Variants in LRRIQ1 observed in about 807,000 individuals in gnomAD.
LRRIQ1 encodes leucine rich repeats and IQ motif containing 1, also known as leucine-rich repeat- and IQ domain-containing protein 1.
LRRIQ1 carries 210 observed loss-of-function variants against 211.9 expected under a neutral mutation model. The observed-to-expected ratio is 0.99, with a 90% CI of 0.89 to 1.11. The LOEUF (loss-of-function observed/expected upper bound fraction) is 1.11, where lower values mean the gene tolerates loss of function less well. Among genes scored for constraint, LRRIQ1 ranks in the 50% most tolerant of loss-of-function variants. LRRIQ1 has a pLI of 0.00. For synonymous variants in LRRIQ1, 699 were observed against 650.1 expected, an observed-to-expected ratio of 1.08 and a Z score of -1.14; for missense variants, 2,136 against 1,939.5, an observed-to-expected ratio of 1.10 and a Z score of -1.90.
chr12:85,189,453 A>G (rs1892383759), intron 24 of LRRIQ1, among the ~76,000 whole-genome samples: 1 of 152,140 alleles, frequency 6.6e-6, no homozygotes, highest in Non-Finnish European at 1.5e-5. Context: ...GGTAGGGAAA[A>G]ACAAAAAACA....
At chr12:85,172,098 G>A (rs897956334) in intron 24 of LRRIQ1, among the ~76,000 whole-genome samples, 1 of 152,112 alleles carries the variant, frequency 6.6e-6, no homozygotes, top group African/African-American at 2.4e-5. Context: ...CTGCTTTCCT[G>A]GACAGCTACA....
At chr12:85,177,279 A>G (rs1051070660) in intron 24 of LRRIQ1, among the ~76,000 whole-genome samples, 8 of 152,142 alleles carry the variant, frequency 5.3e-5, no homozygotes, top group African/African-American at 1.4e-4. Context: ...GATCAATGAC[A>G]TAAACACAAA....
At chr12:85,271,988 C>G in the LRRIQ1 span, among the ~76,000 whole-genome samples, 1 of 151,806 alleles carries the variant, frequency 6.6e-6, no homozygotes, top group South Asian at 2.1e-4. Flanking sequence ...ATGGATGATA[C>G]CTGAAGAAAT....
At chr12:85,118,634 C>T (rs1329597472) in intron 15 of LRRIQ1, among the ~76,000 whole-genome samples, 1 of 151,504 alleles carries the variant, frequency 6.6e-6, no homozygotes, top group African/African-American at 2.4e-5. Context: ...TTTGGTTGGC[C>T]CTAGGCATTT....
chr12:85,056,667 G>A lies in LRRIQ1; in HGVS notation c.1874G>A (p.Arg625Lys), dbSNP rs1179457463. 6.2e-7 allele frequency: 1 copy of A among 1,603,118 alleles called. No individual in the cohort carries two copies. The highest frequency in any genetic ancestry group is 8.5e-7 in the Non-Finnish European group (1 of 1,175,688). ...SLTSENSKDVRENVILQEKEI... is the reference protein window; with the variant it reads ...SLTSENSKDVKENVILQEKEI... ...ACATCAGAAAATTCCAAAGATGTAA[G>A]AGAAAACGTAATATTACAAGAAAAA... The change falls in exon 8 of 27, where the codon AGA (arginine) becomes AAA (lysine). Residue 625 changes from arginine to lysine, a missense_variant. Transcript: ENST00000393217.
intron 8 of LRRIQ1, among the ~76,000 whole-genome samples, chr12:85,065,025 A>G (rs573552554): frequency 6.6e-6 from 1 of 151,876 alleles, no homozygotes; most frequent in African/African-American, 2.4e-5. Context: ...TGTTGCTTTT[A>G]TGTATCTTAC....
intron 12 of LRRIQ1, 36 bp downstream of exon 12, chr12:85,098,584 G>A (rs1886100059): frequency 2.7e-6 from 4 of 1,498,158 alleles, no homozygotes; most frequent in East Asian, 4.6e-5. Context: ...CTGTGATAAA[G>A]CAACACTTTT....
At chr12:85,163,922 G>T (rs928183849) in intron 24 of LRRIQ1, among the ~76,000 whole-genome samples, 2 of 152,042 alleles carry the variant, frequency 1.3e-5, no homozygotes, top group Admixed American at 1.3e-4. Context: ...CTTTGACCAC[G>T]CCTGTCCCCA....
At chr12:85,063,152 T>A (rs1009142451) in intron 8 of LRRIQ1, among the ~76,000 whole-genome samples, 7 of 151,816 alleles carry the variant, frequency 4.6e-5, no homozygotes, top group Non-Finnish European at 8.8e-5. Flanking sequence ...GTAGGTTGTC[T>A]GTTTACTCTT....
chr12:85,089,851 G>T (rs1481336472), intron 11 of LRRIQ1, among the ~76,000 whole-genome samples: 1 of 152,224 alleles, frequency 6.6e-6, no homozygotes, highest in Non-Finnish European at 1.5e-5. Flanking sequence ...AAAGCAGGCT[G>T]TAGAGAAATT....
chr12:85,194,856 A>T (rs2136970114), intron 24 of LRRIQ1, among the ~76,000 whole-genome samples: 2 of 152,208 alleles, frequency 1.3e-5, no homozygotes, highest in East Asian at 3.9e-4. Flanking sequence ...GACACAAAAA[A>T]CCCTTCAAAA....
intron 24 of LRRIQ1, among the ~76,000 whole-genome samples, chr12:85,220,760 C>T (rs988232139): frequency 4.0e-5 from 6 of 150,846 alleles, no homozygotes; most frequent in Non-Finnish European, 8.9e-5. Flanking sequence ...CGTCATTTAG[C>T]ATTAGGTATA....
At chr12:85,206,576 TG>T (rs1893558442) in intron 24 of LRRIQ1, among the ~76,000 whole-genome samples, 1 of 151,750 alleles carries the variant, frequency 6.6e-6, no homozygotes, top group South Asian at 2.1e-4. Flanking sequence ...AGCAAAGCAA[TG>T]GGGGTGAGGG....
At position 85,047,153 on chromosome 12, in the gene LRRIQ1, A is replaced by T. The variant is rs532915381; in HGVS notation, c.455-94A>T. Reference sequence around the variant, plus strand: ...GTACCCTAGAACTTAAAGTAAAATTAAAAAAAAATTAAAAAAATTACTTTT... The same window carrying T: ...GTACCCTAGAACTTAAAGTAAAATTTAAAAAAAATTAAAAAAATTACTTTT... On this transcript the variant is annotated intron_variant, in intron 5 of 26. Transcript: ENST00000393217. The T allele has an allele frequency of 2.8e-4, 232 of 828,746 alleles. 1 individual carries two copies. The highest frequency in any genetic ancestry group is 1.2e-3 in the South Asian group (57 of 46,650). 51.3% of individuals were successfully genotyped at this position (828,746 alleles called of 1,614,324 possible). A position where few individuals can be genotyped will look rare whatever the true frequency, so the allele number is the denominator to read the frequency against.
At chr12:85,120,815 T>C (rs1035038659) in intron 15 of LRRIQ1, among the ~76,000 whole-genome samples, 1 of 150,386 alleles carries the variant, frequency 6.6e-6, no homozygotes, top group Non-Finnish European at 1.5e-5. Context: ...AGCAGCCTGG[T>C]GAAAAGAGAC....
intron 26 of LRRIQ1, among the ~76,000 whole-genome samples, chr12:85,240,477 C>T (rs1013954142): frequency 1.1e-4 from 17 of 152,182 alleles, no homozygotes; most frequent in African/African-American, 2.6e-4. Context: ...ACTTAACATA[C>T]GACCTAATTA....
intron 18 of LRRIQ1, among the ~76,000 whole-genome samples, chr12:85,136,898 G>A (rs1889171607): frequency 6.6e-6 from 1 of 151,304 alleles, no homozygotes; most frequent in Admixed American, 6.6e-5. Flanking sequence ...TATATTTTAG[G>A]CATTTCTTTC....
chr12:85,177,853 C>T (rs923926396), intron 24 of LRRIQ1, among the ~76,000 whole-genome samples: 12 of 151,966 alleles, frequency 7.9e-5, no homozygotes, highest in African/African-American at 2.4e-4. Context: ...AGTGGTTCAG[C>T]ACAGAGATGG....
chr12:85,105,079 T>A (rs1254951509), intron 14 of LRRIQ1, among the ~76,000 whole-genome samples: 1 of 152,112 alleles, frequency 6.6e-6, no homozygotes, highest in Non-Finnish European at 1.5e-5. Context: ...TTCACCATTT[T>A]GGAAATGTGA....
Sources: gnomAD v4.1 joint callset for allele counts (sites outside exome capture counted in the v4.1 genomes callset) on GRCh38, gnomAD v4.1.1 for gene constraint, MANE v1.5 for transcripts, NCBI Gene and HGNC (gene_info 2026-07-23, HGNC 2026-07-21) for gene names.